TRAPPC9: variants seen among roughly 807,000 people sequenced by gnomAD.
The protein encoded by TRAPPC9 is IKK2 binding protein.
In TRAPPC9, 83 loss-of-function variants were observed where a neutral mutation model predicts 124.0. That is an observed-to-expected ratio of 0.67 (90% CI 0.56 to 0.80). The LOEUF (loss-of-function observed/expected upper bound fraction) is 0.80, where lower values mean the gene tolerates loss of function less well. Among genes scored for constraint, TRAPPC9 ranks in the 30% least tolerant of loss-of-function variants. The pLI, the probability that TRAPPC9 is intolerant of heterozygous loss-of-function variation, is 0.00. For missense variants in TRAPPC9, 1,302 were observed against 1,508.3 expected (o/e 0.86, Z 2.27); for synonymous variants, 638 against 617.5 (o/e 1.03, Z -0.49).
chr8:139,782,698 G>T (rs1821920675), intron 21 of TRAPPC9, among the ~76,000 whole-genome samples: 1 of 152,166 alleles, frequency 6.6e-6, no homozygotes, highest in Non-Finnish European at 1.5e-5. Flanking sequence ...AAATGACATT[G>T]TCAGACAACT....
At chr8:139,909,404 G>T (rs1056344613) in intron 20 of TRAPPC9, among the ~76,000 whole-genome samples, 3 of 152,118 alleles carry the variant, frequency 2.0e-5, no homozygotes, top group African/African-American at 7.2e-5. Flanking sequence ...CACTCGGCAG[G>T]GTGCTCTGCC....
chr8:139,883,299 C>A (rs1587088540), intron 21 of TRAPPC9, among the ~76,000 whole-genome samples: 1 of 152,130 alleles, frequency 6.6e-6, no homozygotes, highest in Non-Finnish European at 1.5e-5. Context: ...TGGGACTTTG[C>A]AGCCTCTACA....
intron 19 of TRAPPC9, among the ~76,000 whole-genome samples, chr8:139,977,904 C>T (rs1563658517): frequency 6.6e-6 from 1 of 151,944 alleles, no homozygotes; most frequent in Non-Finnish European, 1.5e-5. Flanking sequence ...TGGTCTCAAA[C>T]TCCTGACCTT....
intron 6 of TRAPPC9, among the ~76,000 whole-genome samples, chr8:140,399,906 T>G (rs1271341239): frequency 4.6e-5 from 7 of 152,202 alleles, no homozygotes; most frequent in Non-Finnish European, 8.8e-5. Context: ...CCACATGTTG[T>G]GGGAGGGATC....
At chr8:140,331,238 T>C (rs1389184055) in intron 9 of TRAPPC9, among the ~76,000 whole-genome samples, 1 of 151,742 alleles carries the variant, frequency 6.6e-6, no homozygotes, top group Non-Finnish European at 1.5e-5. Context: ...ATCTCTTCAA[T>C]AAATGGTGCT....
At chr8:139,978,964 G>C (rs1836684666) in intron 19 of TRAPPC9, among the ~76,000 whole-genome samples, 1 of 152,076 alleles carries the variant, frequency 6.6e-6, no homozygotes, top group South Asian at 2.1e-4. Flanking sequence ...CATCTGGGTG[G>C]GCTTCACAGG....
intron 21 of TRAPPC9, among the ~76,000 whole-genome samples, chr8:139,746,339 A>T (rs1298859326): frequency 2.0e-5 from 3 of 152,224 alleles, no homozygotes; most frequent in Non-Finnish European, 4.4e-5. Context: ...GTCCAGACCA[A>T]GGGGACTTAG....
At chr8:140,408,803 A>G (rs201311441) in intron 5 of TRAPPC9, among the ~76,000 whole-genome samples, 2 of 50,922 alleles carry the variant, frequency 3.9e-5, no homozygotes, top group Admixed American at 3.3e-4. Flanking sequence ...GGCCATTTGG[A>G]AAAAAAAAAA....
At position 140,413,410 on chromosome 8, in the gene TRAPPC9, A is replaced by G. The variant is rs544714889; in HGVS notation, c.887-7712T>C. Among the ~76,000 whole-genome samples, 5 of 152,148 alleles carry G rather than the reference A, an allele frequency of 3.3e-5. No individual in the cohort carries two copies. The South Asian group carries it at 1.0e-3, about 32-fold the overall frequency. The stretch of plus-strand genomic sequence containing the variant: ...TCAAAAAAAATAATAATAAATAAAT[A>G]AATAGTCATCATCTGGACACCATGA... On this transcript the variant is annotated intron_variant, in intron 5 of 22. Transcript: ENST00000438773.
intron 20 of TRAPPC9, among the ~76,000 whole-genome samples, chr8:139,894,933 T>C (rs538144874): frequency 3.0e-4 from 46 of 152,276 alleles, no homozygotes; most frequent in South Asian, 1.0e-3. Context: ...GGAAGACACG[T>C]TGGGACATGC....
chr8:140,453,130 C>T lies in TRAPPC9; in HGVS notation c.-10-1747G>A, dbSNP rs1343268497. ...TTAAAGGTTAGGGAGATTAAATGAG[C>T]TCTCTGTATCAAATAAGAAAAAGAT... is the stretch of plus-strand genomic sequence containing the variant. On this transcript the variant is annotated intron_variant, in intron 1 of 22. Coordinates refer to ENST00000438773, the MANE Select transcript of TRAPPC9 (RefSeq NM_001160372.4). Among the ~76,000 whole-genome samples the T allele has an allele frequency of 3.3e-5, 5 of 152,152 alleles. No individual in the cohort carries two copies. The East Asian group carries it at 9.6e-4, about 29-fold the overall frequency.
intron 7 of TRAPPC9, among the ~76,000 whole-genome samples, chr8:140,393,914 C>G (rs988516257): frequency 3.3e-5 from 5 of 152,112 alleles, no homozygotes; most frequent in African/African-American, 1.2e-4. Flanking sequence ...AAGCGTCGTG[C>G]TGGGGAAAAC....
At chr8:140,424,205 A>G (rs2070342452) in intron 5 of TRAPPC9, among the ~76,000 whole-genome samples, 1 of 152,160 alleles carries the variant, frequency 6.6e-6, no homozygotes, top group South Asian at 2.1e-4. Flanking sequence ...TAATAAGTGC[A>G]AACTGCTCAT....
intron 15 of TRAPPC9, among the ~76,000 whole-genome samples, chr8:140,267,116 C>A (rs1350016329): frequency 6.6e-6 from 1 of 152,122 alleles, no homozygotes; most frequent in African/African-American, 2.4e-5. Context: ...ACTTCTTTAT[C>A]TGAAGATTGA....
intron 17 of TRAPPC9, among the ~76,000 whole-genome samples, chr8:140,133,270 A>G (rs2061237899): frequency 6.6e-6 from 1 of 152,252 alleles, no homozygotes; most frequent in South Asian, 2.1e-4. Context: ...TTTAAAAATC[A>G]ATGTGATGTA....
At chr8:139,913,334 A>G (rs1414073962) in intron 19 of TRAPPC9, among the ~76,000 whole-genome samples, 3 of 152,246 alleles carry the variant, frequency 2.0e-5, no homozygotes, top group East Asian at 3.8e-4. Flanking sequence ...CAGCCAGCCC[A>G]GGGAAGGCCA....
At chr8:140,090,150 G>A (rs532740245) in intron 17 of TRAPPC9, among the ~76,000 whole-genome samples, 1 of 152,272 alleles carries the variant, frequency 6.6e-6, no homozygotes, top group Admixed American at 6.5e-5. Flanking sequence ...ATACAACTGT[G>A]ACTATGTTGG....
chr8:140,149,839 G>C (rs559076797), intron 17 of TRAPPC9, among the ~76,000 whole-genome samples: 7 of 152,214 alleles, frequency 4.6e-5, no homozygotes, highest in South Asian at 4.2e-4. Context: ...ACGAGTGCGA[G>C]CAGTGGAGCC....
chr8:140,432,169 A>G (rs1157796035), intron 4 of TRAPPC9, among the ~76,000 whole-genome samples: 1 of 152,128 alleles, frequency 6.6e-6, no homozygotes, highest in South Asian at 2.1e-4. Context: ...AGCGCCACCT[A>G]TGGCCAGAAA....
Sources: allele counts gnomAD v4.1 joint callset (sites outside exome capture counted in the v4.1 genomes callset), GRCh38; gene constraint gnomAD v4.1.1; transcripts MANE v1.5; gene names NCBI Gene and HGNC (gene_info 2026-07-23, HGNC 2026-07-21).